The following LAMA3 variants were observed in gnomAD, a reference collection of about 807,000 sequenced individuals.
LAMA3 encodes the protein laminin subunit alpha 3.
LAMA3 carries 281 observed loss-of-function variants against 402.0 expected under a neutral mutation model. That is an observed-to-expected ratio of 0.70 (90% CI 0.63 to 0.77). The LOEUF is 0.77. LAMA3 is among the 30% of genes least tolerant of loss of function. The pLI is 0.00. For synonymous variants in LAMA3, 1,431 were observed against 1,558.4 expected, an observed-to-expected ratio of 0.92 and a Z score of 1.93; for missense variants, 3,840 against 4,215.5, an observed-to-expected ratio of 0.91 and a Z score of 2.47.
intron 2 of LAMA3, among the ~76,000 whole-genome samples, chr18:23,722,631 A>G (rs1309972263): frequency 6.6e-6 from 1 of 152,244 alleles, no homozygotes; most frequent in South Asian, 2.1e-4. Context: ...TGAATTAAAT[A>G]TGTTTCCTTC....
intron 50 of LAMA3, among the ~76,000 whole-genome samples, 168 bp downstream of exon 50, chr18:23,904,255 A>G (rs904156072): frequency 3.9e-5 from 6 of 152,144 alleles, no homozygotes; most frequent in Admixed American, 3.3e-4. Context: ...GCAGAGCAGC[A>G]ATAAGGGCAC....
intron 13 of LAMA3, 68 bp from the exon 14 acceptor site, chr18:23,812,989 C>T (rs1286434776): frequency 1.8e-6 from 2 of 1,099,350 alleles, no homozygotes; most frequent in East Asian, 2.4e-5. Flanking sequence ...ACGTTTAAAA[C>T]TTGAAACATC....
intron 7 of LAMA3, among the ~76,000 whole-genome samples, chr18:23,761,229 T>A (rs1193764206): frequency 6.6e-6 from 1 of 152,214 alleles, no homozygotes; most frequent in Non-Finnish European, 1.5e-5. Flanking sequence ...GTTTGTTGAG[T>A]ACCCACTGTG....
chr18:23,850,103 G>T (rs1292144833), intron 32 of LAMA3, among the ~76,000 whole-genome samples: 1 of 152,166 alleles, frequency 6.6e-6, no homozygotes, highest in Non-Finnish European at 1.5e-5. Flanking sequence ...TAAAGCTCAT[G>T]TAAAAGAAAT....
intron 8 of LAMA3, among the ~76,000 whole-genome samples, chr18:23,767,889 T>C (rs1288443810): frequency 2.6e-5 from 4 of 152,144 alleles, no homozygotes; most frequent in Admixed American, 2.6e-4. Flanking sequence ...GGTCTTTCTA[T>C]TCAATAAATG....
At chr18:23,821,801 C>G (rs1568220408) in intron 19 of LAMA3, among the ~76,000 whole-genome samples, 1 of 152,174 alleles carries the variant, frequency 6.6e-6, no homozygotes, top group South Asian at 2.1e-4. Flanking sequence ...TTTCTGTGAC[C>G]ATTTAGACTT....
chr18:23,784,211 T>G, intron 12 of LAMA3, 54 bp downstream of exon 12: 1 of 1,607,338 alleles, frequency 6.2e-7, no homozygotes, highest in Non-Finnish European at 8.5e-7. Context: ...ATAAATTTCC[T>G]CCTGAGGAAA....
chr18:23,920,348 G>A (rs2081788737), intron 60 of LAMA3, among the ~76,000 whole-genome samples: 1 of 152,170 alleles, frequency 6.6e-6, no homozygotes, highest in South Asian at 2.1e-4. Flanking sequence ...ACAGGTCTAG[G>A]CTGGGGAGAA....
At chr18:23,741,932 A>G (rs977627562) in intron 2 of LAMA3, among the ~76,000 whole-genome samples, 23 of 151,840 alleles carry the variant, frequency 1.5e-4, no homozygotes, top group East Asian at 1.4e-3. Flanking sequence ...GACCAGCCTG[A>G]CCAACGTGGA....
chr18:23,912,825 T>C lies in LAMA3; in HGVS notation c.7273T>C (p.Ser2425Pro). 1 of 1,614,024 alleles carries C rather than the reference T, an allele frequency of 6.2e-7. No homozygotes were observed. The highest frequency in any genetic ancestry group is 8.5e-7 in the Non-Finnish European group (1 of 1,179,876). ...SLSLFLQRPN[S>P]RENGGTENMF... is the part of the protein sequence containing the mutation. ...GTCCTTGTTTCTCCAAAGGCCCAAC[T>C]CAAGAGAAAATGGGGGTACTGAGAA... is the stretch of plus-strand genomic sequence containing the variant. The change falls in exon 56 of 75, where the codon TCA becomes CCA. Residue 2425 changes from serine to proline, a missense_variant. Coordinates refer to ENST00000313654, the MANE Select transcript of LAMA3 (RefSeq NM_198129.4).
intron 8 of LAMA3, among the ~76,000 whole-genome samples, chr18:23,765,108 AT>A (rs2062048718): frequency 6.6e-6 from 1 of 152,164 alleles, no homozygotes; most frequent in Admixed American, 6.5e-5. Flanking sequence ...TGAGTTACAT[AT>A]TTTTATGACT....
At position 23,898,853 on chromosome 18, in the gene LAMA3, T is replaced by A; in HGVS notation, c.5724+5T>A. ...TTTGAGACTTTGCAAGAAAAGGTAATGTGTTAGGTCCATTTAACTTTGGGG... is the reference window on the plus strand; with the variant it reads ...TTTGAGACTTTGCAAGAAAAGGTAAAGTGTTAGGTCCATTTAACTTTGGGG... On this transcript the variant is annotated splice_donor_5th_base_variant and intron_variant, in intron 45 of 74. Coordinates refer to ENST00000313654, the MANE Select transcript of LAMA3 (RefSeq NM_198129.4). 6.3e-7 allele frequency: 1 copy of A among 1,580,526 alleles called. No individual in the cohort carries two copies. Among genetic ancestry groups the A allele is most frequent in the African/African-American group, 1.3e-5 (1 of 74,380 alleles).
At chr18:23,916,789 C>A in intron 60 of LAMA3, 94 bp downstream of exon 60, 1 of 1,221,484 alleles carries the variant, frequency 8.2e-7, no homozygotes, top group Non-Finnish European at 1.2e-6. Context: ...CCCACTAGAT[C>A]TGGAAAACAA....
chr18:23,887,917 T>C (rs1019819206), intron 41 of LAMA3, among the ~76,000 whole-genome samples: 5 of 152,232 alleles, frequency 3.3e-5, no homozygotes, highest in African/African-American at 1.2e-4. Context: ...CTGCCATAAA[T>C]TGAGAATAAG....
At chr18:23,753,685 C>G (rs762207910) in intron 5 of LAMA3, 36 bp from the exon 6 acceptor site, 3 of 1,512,230 alleles carry the variant, frequency 2.0e-6, no homozygotes, top group Admixed American at 1.7e-5. Context: ...TGTCACTGTT[C>G]AGTGAAACTT....
Position 23,912,749 on chromosome 18 carries a change from C to A in LAMA3, c.7197C>A (p.Val2399=). ...VPMRFNGKSG[V]EVRLPNDLED... ...TGAGGTTCAATGGTAAATCTGGAGT[C>A]GAAGTCCGACTGCCAAATGACCTGG... The change falls in exon 56 of 75, where the codon GTC becomes GTA. Residue 2399 remains valine (V), a synonymous_variant. Coordinates refer to ENST00000313654, the MANE Select transcript of LAMA3 (RefSeq NM_198129.4). 6.2e-7 allele frequency: 1 copy of A among 1,614,046 alleles called. No individual in the cohort carries two copies. Among genetic ancestry groups the A allele is most frequent in the Non-Finnish European group, 8.5e-7 (1 of 1,179,946 alleles).
chr18:23,777,261 A>AC (rs2062342107), intron 10 of LAMA3, among the ~76,000 whole-genome samples: 1 of 151,852 alleles, frequency 6.6e-6, no homozygotes, highest in Non-Finnish European at 1.5e-5. Context: ...TTAAAAAAAA[A>AC]AACAATAAAA....
rs79057934 is a variant in LAMA3 at position 23,813,939 on chromosome 18, A to G, written c.1789-464A>G. On this transcript the variant is annotated intron_variant, in intron 14 of 74. Transcript: ENST00000313654. Reference sequence around the variant, plus strand: ...TTCCAGGCACAGAATGGATGGAGTGAAAGAGGTTCTGCCATCCTTCCCATA... The same window carrying G: ...TTCCAGGCACAGAATGGATGGAGTGGAAGAGGTTCTGCCATCCTTCCCATA... Among the ~76,000 whole-genome samples, 200 of 152,326 alleles carry G rather than the reference A, an allele frequency of 1.3e-3. 1 individual carries two copies. Among genetic ancestry groups the G allele is most frequent in the African/African-American group, 4.6e-3 (190 of 41,572 alleles).
At chr18:23,926,449 C>T (rs2082006375) in intron 62 of LAMA3, among the ~76,000 whole-genome samples, 1 of 152,216 alleles carries the variant, frequency 6.6e-6, no homozygotes, top group African/African-American at 2.4e-5. Flanking sequence ...CCCTCCTCCT[C>T]TTCTGAGGCA....
Sources: gnomAD v4.1 joint callset for allele counts (sites outside exome capture counted in the v4.1 genomes callset) on GRCh38, gnomAD v4.1.1 for gene constraint, MANE v1.5 for transcripts, NCBI Gene and HGNC (gene_info 2026-07-23, HGNC 2026-07-21) for gene names.